EFCAB6: variants seen among roughly 807,000 people sequenced by gnomAD.
EFCAB6 encodes EF-hand calcium binding domain 6.
A neutral mutation model predicts 169.8 loss-of-function variants in EFCAB6; 156 were observed. That is an observed-to-expected ratio of 0.92 (90% CI 0.81 to 1.05). The LOEUF (loss-of-function observed/expected upper bound fraction) is 1.05, where lower values mean the gene tolerates loss of function less well. Ranked by LOEUF, EFCAB6 falls within the 50% of genes least tolerant of loss-of-function variation. EFCAB6 has a pLI of 0.00. For synonymous variants in EFCAB6, 698 were observed against 676.4 expected (o/e 1.03, Z -0.50); for missense variants, 1,800 against 1,829.1 (o/e 0.98, Z 0.29).
intron 8 of EFCAB6, among the ~76,000 whole-genome samples, chr22:43,725,480 C>T (rs1296820129): frequency 6.6e-6 from 1 of 152,194 alleles, no homozygotes; most frequent in Non-Finnish European, 1.5e-5. Flanking sequence ...TATGATAATC[C>T]ATTAATCCCC....
intron 27 of EFCAB6, among the ~76,000 whole-genome samples, chr22:43,548,614 G>A (rs1021031414): frequency 4.3e-5 from 6 of 140,076 alleles, no homozygotes; most frequent in African/African-American, 1.3e-4. Context: ...ATATGCATAC[G>A]TTTAATTTAA....
At chr22:43,637,554 G>C (rs923807316) in intron 17 of EFCAB6, among the ~76,000 whole-genome samples, 1 of 152,238 alleles carries the variant, frequency 6.6e-6, no homozygotes, top group Non-Finnish European at 1.5e-5. Flanking sequence ...TGTGGCTAGT[G>C]CCGGGCCAGC....
At chr22:43,730,748 G>A (rs760891798) in intron 8 of EFCAB6, among the ~76,000 whole-genome samples, 15 of 152,146 alleles carry the variant, frequency 9.9e-5, no homozygotes, top group Non-Finnish European at 1.9e-4. Flanking sequence ...TCACGTGGTC[G>A]TGGGGAATAT....
intron 10 of EFCAB6, among the ~76,000 whole-genome samples, chr22:43,706,836 C>T (rs1044824813): frequency 7.2e-5 from 11 of 152,292 alleles, no homozygotes; most frequent in African/African-American, 2.4e-4. Flanking sequence ...CCAGCCAGCA[C>T]GAACACATTA....
intron 2 of EFCAB6, among the ~76,000 whole-genome samples, chr22:43,801,172 A>C (rs5763997): frequency 0.08 from 12,156 of 152,270 alleles, 655 homozygotes; most frequent in South Asian, 0.21. Flanking sequence ...GAAGGGAACA[A>C]ATTTTCAAAG....
intron 17 of EFCAB6, among the ~76,000 whole-genome samples, chr22:43,657,898 C>G (rs1433429824): frequency 1.3e-5 from 2 of 152,156 alleles, no homozygotes; most frequent in Non-Finnish European, 2.9e-5. Flanking sequence ...ATTAAAACAA[C>G]CAGAAAAGCC....
At chr22:43,663,064 T>G (rs1219324743) in intron 17 of EFCAB6, among the ~76,000 whole-genome samples, 1 of 152,222 alleles carries the variant, frequency 6.6e-6, no homozygotes, top group Non-Finnish European at 1.5e-5. Flanking sequence ...GGAGCAGAAA[T>G]AACATATGTA....
At chr22:43,675,344 CTATATTATACTATAATATAT>C (rs2057689161) in intron 13 of EFCAB6, among the ~76,000 whole-genome samples, 1 of 30,704 alleles carries the variant, frequency 3.3e-5, no homozygotes. Flanking sequence ...ATATAATATA[CTATATTATACTATAATATAT>C]AATATAATAT....
At chr22:43,670,921 G>A (rs977388139) in intron 15 of EFCAB6, among the ~76,000 whole-genome samples, 3 of 152,220 alleles carry the variant, frequency 2.0e-5, no homozygotes, top group Non-Finnish European at 4.4e-5. Flanking sequence ...CTCACCATAT[G>A]CTTGGCCCTG....
At chr22:43,765,633 C>T (rs943905740) in intron 4 of EFCAB6, among the ~76,000 whole-genome samples, 6 of 151,890 alleles carry the variant, frequency 4.0e-5, no homozygotes, top group Admixed American at 2.0e-4. Flanking sequence ...AACTGAAAGT[C>T]GAGTTATCTA....
At chr22:43,670,624 C>T (rs534326768) in intron 15 of EFCAB6, among the ~76,000 whole-genome samples, 6 of 152,348 alleles carry the variant, frequency 3.9e-5, no homozygotes, top group African/African-American at 1.4e-4. Flanking sequence ...TCAATAAGTG[C>T]TCACTAGTAT....
At chr22:43,555,952 G>A (rs969407847) in intron 26 of EFCAB6, among the ~76,000 whole-genome samples, 6 of 152,224 alleles carry the variant, frequency 3.9e-5, no homozygotes, top group Non-Finnish European at 5.9e-5. Context: ...GGAGGGGCCC[G>A]CAGAGGGCGG....
At chr22:43,741,642 G>A (rs1273015098) in intron 6 of EFCAB6, among the ~76,000 whole-genome samples, 4 of 152,160 alleles carry the variant, frequency 2.6e-5, no homozygotes, top group Non-Finnish European at 5.9e-5. Flanking sequence ...CCTATCTTCA[G>A]GGCTCAGAAT....
intron 10 of EFCAB6, among the ~76,000 whole-genome samples, chr22:43,707,822 A>T (rs1316796368): frequency 6.6e-6 from 1 of 152,196 alleles, no homozygotes; most frequent in East Asian, 1.9e-4. Flanking sequence ...ACAAACTGGT[A>T]ATCATGGGAA....
intron 7 of EFCAB6, 101 bp downstream of exon 7, chr22:43,735,756 G>C: frequency 7.5e-7 from 1 of 1,341,302 alleles, no homozygotes; most frequent in Non-Finnish European, 1.0e-6. Context: ...GTGGCAGGGG[G>C]AGGTGAGAGA....
At chr22:43,560,663 G>A (rs527585796) in intron 26 of EFCAB6, among the ~76,000 whole-genome samples, 147 of 152,250 alleles carry the variant, frequency 9.7e-4, no homozygotes, top group African/African-American at 3.4e-3. Flanking sequence ...GGAAGTGCAG[G>A]TGGAAAGAGA....
chr22:43,655,907 C>A (rs935542596), intron 17 of EFCAB6, among the ~76,000 whole-genome samples: 4 of 152,046 alleles, frequency 2.6e-5, no homozygotes, highest in Non-Finnish European at 5.9e-5. Flanking sequence ...AGAGTTATGA[C>A]CTAATGATAA....
At chr22:43,728,933 T>C (rs1161991668) in intron 8 of EFCAB6, among the ~76,000 whole-genome samples, 1 of 152,246 alleles carries the variant, frequency 6.6e-6, no homozygotes, top group Admixed American at 6.5e-5. Context: ...TTTGTCAATT[T>C]TGGCTTTCAC....
Position 43,600,103 on chromosome 22 carries a change from G to T in EFCAB6, c.2842C>A (p.Leu948Met), listed in dbSNP as rs1391966787. The change falls in exon 23 of 32, where the codon CTG becomes ATG. Residue 948 changes from leucine (L) to methionine (M), a missense_variant. Leu to Met is a conservative substitution (Grantham distance 15, BLOSUM62 2). Coordinates refer to ENST00000262726, the MANE Select transcript of EFCAB6 (RefSeq NM_022785.4). The part of the protein sequence containing the change: ...PQQLQEEMKE[L>M]QQSTEKAVAA... ...ACAGCCTTCTCTGTGCTCTGCTGCA[G>T]CTCCTTCATCTCTTCCTGTAGCTGC... The T allele has an allele frequency of 1.2e-6, 2 of 1,614,124 alleles. No homozygotes were observed. Among genetic ancestry groups the T allele is most frequent in the South Asian group, 2.2e-5 (2 of 91,060 alleles).
Sources: gnomAD v4.1 joint callset for allele counts (sites outside exome capture counted in the v4.1 genomes callset) on GRCh38, gnomAD v4.1.1 for gene constraint, MANE v1.5 for transcripts, NCBI Gene and HGNC (gene_info 2026-07-23, HGNC 2026-07-21) for gene names.